Variants in KANSL1 observed in about 807,000 individuals in gnomAD.
The protein encoded by KANSL1 is MLL1/MLL complex subunit KANSL1.
A neutral mutation model predicts 103.6 loss-of-function variants in KANSL1; 22 were observed. That is an observed-to-expected ratio of 0.21 (90% CI 0.15 to 0.30). The LOEUF (loss-of-function observed/expected upper bound fraction) is 0.30, where lower values mean the gene tolerates loss of function less well. Ranked by LOEUF, KANSL1 falls within the 10% of genes least tolerant of loss-of-function variation. The pLI is 1.00. For missense variants in KANSL1, 1,337 were observed against 1,399.8 expected (o/e 0.96, Z 0.72); for synonymous variants, 600 against 527.6 (o/e 1.14, Z -1.88).
At chr17:46,097,181 G>T (rs1284610946) in intron 2 of KANSL1, among the ~76,000 whole-genome samples, 2 of 152,134 alleles carry the variant, frequency 1.3e-5, no homozygotes, top group Non-Finnish European at 2.9e-5. Flanking sequence ...TCATTTAATA[G>T]TTCTATAGTA....
At position 46,172,006 on chromosome 17, in the gene KANSL1, GGC is replaced by G; in HGVS notation, c.136_137del (p.Ala46GlnfsTer20). On this transcript the variant is annotated frameshift_variant, in exon 2 of 15. Coordinates refer to ENST00000432791, the MANE Select transcript of KANSL1 (RefSeq NM_015443.4). LOFTEE classifies it high-confidence loss of function. ...CAATGGCTTTTCTTTTGGTTCCGTT[GGC>G]AGCAATAAGGATGTTGGCGTTGCCG... ...NNGNANILIA[A>X]NGTKRKAIAA... The G allele has an allele frequency of 6.2e-7, 1 of 1,614,278 alleles. No homozygotes were observed. The highest frequency in any genetic ancestry group is 8.5e-7 in the Non-Finnish European group (1 of 1,180,048).
chr17:46,207,379 G>A (rs1486966777), intron 1 of KANSL1, among the ~76,000 whole-genome samples: 2 of 151,924 alleles, frequency 1.3e-5, no homozygotes, highest in Admixed American at 1.3e-4. Flanking sequence ...GCGTGGTGGT[G>A]GGTGCCTCTA....
At chr17:46,093,282 C>T (rs1245642658) in intron 3 of KANSL1, 5 of 152,506 alleles carry the variant, frequency 3.3e-5, no homozygotes, top group Admixed American at 6.5e-5. Context: ...TTAAAATTTC[C>T]TTTGTGAAGA....
intron 6 of KANSL1, among the ~76,000 whole-genome samples, chr17:46,064,545 C>T (rs2078303790): frequency 6.6e-6 from 1 of 151,886 alleles, no homozygotes; most frequent in Admixed American, 6.6e-5. Flanking sequence ...TCTGCAACAA[C>T]CCCACCCCAC....
At position 46,082,512 on chromosome 17, in the gene KANSL1, G is replaced by A; in HGVS notation, c.1462C>T (p.Pro488Ser). 2 of 1,611,722 alleles carry A rather than the reference G, an allele frequency of 1.2e-6. No individual in the cohort carries two copies. Among genetic ancestry groups the A allele is most frequent in the Non-Finnish European group, 1.7e-6 (2 of 1,178,312 alleles). Residue 488 changes from proline to serine, a missense_variant, in exon 4 of 15, where the codon CCA becomes TCA. Transcript: ENST00000432791. The part of the protein sequence containing the change: ...GLIVLGEVPP[P>S]EHTTDLFLPL... ...AGAAATAAGTCTGTTGTATGCTCTG[G>A]GGGAGGTACCTCCCCAAGAACTATC...
intron 2 of KANSL1, among the ~76,000 whole-genome samples, chr17:46,148,590 C>CTT (rs373641135): frequency 6.9e-6 from 1 of 145,168 alleles, no homozygotes; most frequent in Non-Finnish European, 1.5e-5. Flanking sequence ...CTTCACTTAC[C>CTT]TTTTTTTTTT....
intron 1 of KANSL1, among the ~76,000 whole-genome samples, chr17:46,188,051 G>A (rs2047113170): frequency 6.6e-6 from 1 of 152,044 alleles, no homozygotes; most frequent in Non-Finnish European, 1.5e-5. Context: ...TATGTATTTT[G>A]TTCTACATCC....
At chr17:46,156,401 G>A (rs2045430304) in intron 2 of KANSL1, among the ~76,000 whole-genome samples, 1 of 152,074 alleles carries the variant, frequency 6.6e-6, no homozygotes, top group Admixed American at 6.6e-5. Context: ...GTATCTGATA[G>A]TGTTTATATG....
At chr17:46,039,906 A>G in intron 7 of KANSL1, 22 bp from the exon 8 acceptor site, 3 of 1,612,966 alleles carry the variant, frequency 1.9e-6, no homozygotes, top group Non-Finnish European at 2.5e-6. Context: ...ATAAAATGCT[A>G]CAGGTTAGTC....
At position 46,046,556 on chromosome 17, in the gene KANSL1, A is replaced by G. The variant is rs1010808519; in HGVS notation, c.2020+3977T>C. Among the ~76,000 whole-genome samples, 52 of 140,990 alleles carry G rather than the reference A, an allele frequency of 3.7e-4. 1 individual carries two copies. Among genetic ancestry groups the G allele is most frequent in the Admixed American group, 7.2e-5 (1 of 13,892 alleles). The allele number at this position is 140,990 out of a possible 152,430, so 92.5% of individuals were successfully genotyped here. A position where few individuals can be genotyped will look rare whatever the true frequency, so the allele number is the denominator to read the frequency against. On this transcript the variant is annotated intron_variant, in intron 7 of 14. Coordinates refer to ENST00000432791, the MANE Select transcript of KANSL1 (RefSeq NM_015443.4). Reference sequence around the variant, plus strand: ...AAAAAAAAAAAAAAAAAAAAAAAAAAGCCAGGTGCGGTGGCTCATGCTTGT... The same window carrying G: ...AAAAAAAAAAAAAAAAAAAAAAAAAGGCCAGGTGCGGTGGCTCATGCTTGT...
chr17:46,113,514 T>C (rs2042912514), intron 2 of KANSL1, among the ~76,000 whole-genome samples: 1 of 152,220 alleles, frequency 6.6e-6, no homozygotes, highest in Non-Finnish European at 1.5e-5. Flanking sequence ...AGCCTTTGTG[T>C]CTCTCAAATT....
At chr17:46,044,681 T>C (rs374970061) in intron 7 of KANSL1, 1 of 152,224 alleles carries the variant, frequency 6.6e-6, no homozygotes, top group African/African-American at 2.4e-5. Context: ...AACAGGTTAT[T>C]ATACCCTAGT....
At chr17:46,209,745 C>T (rs541604957) in intron 1 of KANSL1, among the ~76,000 whole-genome samples, 2 of 152,338 alleles carry the variant, frequency 1.3e-5, no homozygotes, top group Admixed American at 6.5e-5. Context: ...TCACCCAACT[C>T]GGCCTCCCAA....
At chr17:46,070,657 A>G (rs1186069047) in intron 4 of KANSL1, among the ~76,000 whole-genome samples, 3 of 152,136 alleles carry the variant, frequency 2.0e-5, no homozygotes, top group Non-Finnish European at 2.9e-5. Flanking sequence ...TAGATGAAAA[A>G]GTTTCCTTTC....
intron 2 of KANSL1, among the ~76,000 whole-genome samples, chr17:46,097,542 T>C (rs1460000497): frequency 1.3e-5 from 2 of 152,266 alleles, no homozygotes; most frequent in Non-Finnish European, 2.9e-5. Context: ...ATTTTAGCTC[T>C]ACCTATAATG....
At chr17:46,200,439 C>T (rs1268125520) in intron 1 of KANSL1, among the ~76,000 whole-genome samples, 1 of 152,180 alleles carries the variant, frequency 6.6e-6, no homozygotes, top group Non-Finnish European at 1.5e-5. Flanking sequence ...AGGCAAAACA[C>T]ACCTTAAAAA....
intron 1 of KANSL1, among the ~76,000 whole-genome samples, chr17:46,188,835 A>T (rs559391116): frequency 3.2e-4 from 48 of 152,192 alleles, no homozygotes; most frequent in African/African-American, 1.1e-3. Flanking sequence ...GTTCAACACC[A>T]GCCTGGCCAA....
intron 2 of KANSL1, among the ~76,000 whole-genome samples, chr17:46,142,475 A>AG (rs2044472087): frequency 2.0e-5 from 3 of 152,244 alleles, no homozygotes; most frequent in Admixed American, 2.0e-4. Flanking sequence ...TTTTTTAATA[A>AG]GGGGGGCATA....
intron 6 of KANSL1, among the ~76,000 whole-genome samples, chr17:46,063,866 G>C (rs1000280352): frequency 2.7e-5 from 4 of 149,592 alleles, no homozygotes; most frequent in Admixed American, 1.3e-4. Flanking sequence ...CCAAAACAGA[G>C]GAAGGGTGCT....
Sources: allele counts gnomAD v4.1 joint callset (sites outside exome capture counted in the v4.1 genomes callset), GRCh38; gene constraint gnomAD v4.1.1; transcripts MANE v1.5; gene names NCBI Gene and HGNC (gene_info 2026-07-23, HGNC 2026-07-21).